Variants in HNRNPD observed in about 807,000 individuals in gnomAD.
HNRNPD encodes the protein heterogeneous nuclear ribonucleoprotein D0.
HNRNPD carries 3 observed loss-of-function variants against 47.9 expected under a neutral mutation model. The ratio of observed to expected loss-of-function variants is 0.06; its 90% CI spans 0.03 to 0.16. HNRNPD has a LOEUF of 0.16. HNRNPD is among the 10% of genes least tolerant of loss of function. The pLI is 1.00. For synonymous variants in HNRNPD, 171 were observed against 165.1 expected (o/e 1.04, Z -0.28); for missense variants, 287 against 454.2 (o/e 0.63, Z 3.35).
chr4:82,371,513 A>G lies in HNRNPD; in HGVS notation c.290+15T>C. The stretch of plus-strand genomic sequence containing the variant: ...GAAACCTTTATAATACAGAAATAAA[A>G]TTTAAAAGTTTTACCATTCTTCCCG... On this transcript the variant is annotated intron_variant, in intron 2 of 8. Coordinates refer to ENST00000313899, the MANE Select transcript of HNRNPD (RefSeq NM_031370.3). 1 of 1,601,778 alleles carries G rather than the reference A, an allele frequency of 6.2e-7. No homozygotes were observed. Among genetic ancestry groups the G allele is most frequent in the East Asian group, 2.3e-5 (1 of 44,120 alleles).
At chr4:82,362,192 C>CTAA (rs1333795856) in intron 2 of HNRNPD, among the ~76,000 whole-genome samples, 9 of 152,200 alleles carry the variant, frequency 5.9e-5, no homozygotes, top group African/African-American at 1.9e-4. Context: ...ACAGGGTCTT[C>CTAA]TAAAATTAGC....
intron 1 of HNRNPD, among the ~76,000 whole-genome samples, chr4:82,372,930 G>A (rs1303332482): frequency 6.6e-6 from 1 of 152,222 alleles, no homozygotes. Flanking sequence ...CAAGGGAGAG[G>A]CAGAGGTGGA....
chr4:82,366,776 G>T (rs1197474252), intron 2 of HNRNPD, among the ~76,000 whole-genome samples: 1 of 151,454 alleles, frequency 6.6e-6, no homozygotes. Context: ...GGCCAGGCTG[G>T]TCTCCAATTC....
At position 82,363,286 on chromosome 4, in the gene HNRNPD, G is replaced by A. The variant is rs930624528; in HGVS notation, c.291-3647C>T. 7.9e-5 allele frequency among the ~76,000 whole-genome samples: 12 copies of A among 151,700 alleles called. No homozygotes were observed. In the South Asian group the frequency reaches 1.0e-3, roughly 13 times the overall value. On this transcript the variant is annotated intron_variant, in intron 2 of 8. Coordinates refer to ENST00000313899, the MANE Select transcript of HNRNPD (RefSeq NM_031370.3). ...AGTAGAGATGGGGTTTCACCATATT[G>A]GTCAGGCTGGTCTCGAACTCCTGAC...
At chr4:82,355,002 C>A in intron 8 of HNRNPD, 1 of 347,024 alleles carries the variant, frequency 2.9e-6, no homozygotes, top group Non-Finnish European at 5.3e-6. Context: ...GAAGTTCCCG[C>A]TGGCGGGTAC....
At chr4:82,355,946 A>G (rs1191789573) in intron 7 of HNRNPD, 1 of 153,068 alleles carries the variant, frequency 6.5e-6, no homozygotes, top group Non-Finnish European at 1.5e-5. Context: ...CAATGCAACC[A>G]CTCTCCTCCA....
chr4:82,360,461 C>T lies in HNRNPD; in HGVS notation c.291-822G>A, dbSNP rs78174631. Among the ~76,000 whole-genome samples the T allele has an allele frequency of 6.4e-3, 967 of 152,064 alleles. 11 individuals carry two copies. The highest frequency in any genetic ancestry group is 0.022 in the African/African-American group (926 of 41,486). On this transcript the variant is annotated intron_variant, in intron 2 of 8. Coordinates refer to ENST00000313899, the MANE Select transcript of HNRNPD (RefSeq NM_031370.3). ...AGATCTGGCAGCTTTACATAGGCTCCCTTTGTACAAAAATAAATAAATAAA... is the reference window on the plus strand; with the variant it reads ...AGATCTGGCAGCTTTACATAGGCTCTCTTTGTACAAAAATAAATAAATAAA...
chr4:82,356,516 T>C, intron 7 of HNRNPD, 21 bp downstream of exon 7: 2 of 1,565,128 alleles, frequency 1.3e-6, no homozygotes, highest in Non-Finnish European at 1.8e-6. Flanking sequence ...TAGCAGTTAA[T>C]ATAAAAAGTA....
At chr4:82,357,027 T>A in intron 5 of HNRNPD, 132 bp from the exon 6 acceptor site, 1 of 807,380 alleles carries the variant, frequency 1.2e-6, no homozygotes, top group African/African-American at 1.7e-5. Context: ...GTCAGTTTAT[T>A]AATTAAACCA....
intron 1 of HNRNPD, chr4:82,373,154 T>A: frequency 1.6e-6 from 1 of 621,478 alleles, no homozygotes; most frequent in Non-Finnish European, 3.0e-6. Flanking sequence ...GGCGGCTAAG[T>A]CGGTGGGAGG....
intron 2 of HNRNPD, among the ~76,000 whole-genome samples, chr4:82,369,687 C>CAA (rs60372443): frequency 0.22 from 27,411 of 122,416 alleles, 3,526 homozygotes; most frequent in East Asian, 0.61. Context: ...GTGCAGACAC[C>CAA]AAAAAAAAAA....
At chr4:82,371,392 C>G in intron 2 of HNRNPD, 136 bp downstream of exon 2, 1 of 594,704 alleles carries the variant, frequency 1.7e-6, no homozygotes. Context: ...AGGTATATAT[C>G]CCAGGTACAA....
chr4:82,373,504 C>T lies in HNRNPD; in HGVS notation c.175G>A (p.Gly59Ser). The T allele has an allele frequency of 6.5e-7, 1 of 1,549,444 alleles. No homozygotes were observed. The highest frequency in any genetic ancestry group is 1.2e-5 in the South Asian group (1 of 83,974). ...GGTASGGTEGGSAESEGAKID... is the reference protein window; with the variant it reads ...GGTASGGTEGSSAESEGAKID... ...TTCGCCCCCTCCGACTCGGCGCTGC[C>T]CCCTTCGGTGCCTCCAGACGCGGTT... The change falls in exon 1 of 9, where the codon GGC (glycine) becomes AGC (serine). Residue 59 changes from glycine to serine, a missense_variant. This residue lies in a region of HNRNPD where 161 missense variants were observed against 137.1 expected (regional missense o/e 1.17). Coordinates refer to ENST00000313899, the MANE Select transcript of HNRNPD (RefSeq NM_031370.3).
rs957801682 is a variant in HNRNPD at position 82,373,592 on chromosome 4, G to T, written c.87C>A (p.Ala29=). The change falls in exon 1 of 9, where the codon GCC becomes GCA. Residue 29 remains alanine (A), a synonymous_variant. Transcript: ENST00000313899. ...CTGCCCCCTGTGTCGCCGCCACCAT[G>T]GCTCCCTCCTGCTCGCCCGCCGAGC... ...VGGSAGEQEG[A]MVAATQGAAA... 1.3e-6 allele frequency: 2 copies of T among 1,533,366 alleles called. No individual in the cohort carries two copies. The highest frequency in any genetic ancestry group is 1.7e-6 in the Non-Finnish European group (2 of 1,143,494). 95.0% of individuals were successfully genotyped at this position (1,533,366 alleles called of 1,614,324 possible).
intron 2 of HNRNPD, among the ~76,000 whole-genome samples, chr4:82,370,687 G>A (rs946884512): frequency 6.6e-6 from 1 of 152,120 alleles, no homozygotes; most frequent in Non-Finnish European, 1.5e-5. Context: ...AGCTTGTAAA[G>A]ATATAAGTTA....
chr4:82,373,708 G>C lies in HNRNPD; in HGVS notation c.-30C>G, dbSNP rs1268443107. 1 of 1,482,816 alleles carries C rather than the reference G, an allele frequency of 6.7e-7. No individual in the cohort carries two copies. The highest frequency in any genetic ancestry group is 1.2e-5 in the South Asian group (1 of 81,320). 91.9% of individuals were successfully genotyped at this position (1,482,816 alleles called of 1,614,324 possible). A position where few individuals can be genotyped will look rare whatever the true frequency, so the allele number is the denominator to read the frequency against. ...CTAGTGTCTCCGCCGCTGCCGCCGA[G>C]ACTACACCCGCCGCTGCCGCGAACC... On this transcript the variant is annotated 5_prime_UTR_variant, in exon 1 of 9. Coordinates refer to ENST00000313899, the MANE Select transcript of HNRNPD (RefSeq NM_031370.3).
At chr4:82,360,887 C>G (rs1005120812) in intron 2 of HNRNPD, among the ~76,000 whole-genome samples, 1 of 152,156 alleles carries the variant, frequency 6.6e-6, no homozygotes, top group Non-Finnish European at 1.5e-5. Flanking sequence ...CTACCACAGT[C>G]TTGTTTTACT....
Position 82,373,798 on chromosome 4 carries a change from G to C in HNRNPD, c.-120C>G. The C allele has an allele frequency of 4.0e-6, 6 of 1,509,058 alleles. No individual in the cohort carries two copies. The highest frequency in any genetic ancestry group is 5.3e-6 in the Non-Finnish European group (6 of 1,132,696). The allele number at this position is 1,509,058 out of a possible 1,614,324, so 93.5% of individuals were successfully genotyped here. A position where few individuals can be genotyped will look rare whatever the true frequency, so the allele number is the denominator to read the frequency against. ...CCGCTCTACCTCGCGAAGCACACAA[G>C]ACAGGGAAGGCGCGCGCGTGGCTGC... On this transcript the variant is annotated 5_prime_UTR_variant, in exon 1 of 9. Coordinates refer to ENST00000313899, the MANE Select transcript of HNRNPD (RefSeq NM_031370.3).
At chr4:82,359,695 T>G in intron 2 of HNRNPD, 56 bp from the exon 3 acceptor site, 1 of 1,193,864 alleles carries the variant, frequency 8.4e-7, no homozygotes, top group Non-Finnish European at 1.2e-6. Context: ...TTAAATATTA[T>G]CCACATCAAT....
Sources: gnomAD v4.1 joint callset for allele counts (sites outside exome capture counted in the v4.1 genomes callset) on GRCh38, gnomAD v4.1.1 for gene constraint, gnomAD v4.1.1 regional missense constraint, MANE v1.5 for transcripts, NCBI Gene and HGNC (gene_info 2026-07-23, HGNC 2026-07-21) for gene names.